GFM2: variants seen among roughly 807,000 people sequenced by gnomAD.
The protein encoded by GFM2 is ribosome-releasing factor 2, mitochondrial.
In GFM2, 72 loss-of-function variants were observed where a neutral mutation model predicts 95.4. The observed-to-expected ratio is 0.76, with a 90% CI of 0.62 to 0.92. GFM2 has a LOEUF of 0.92. Among genes scored for constraint, GFM2 ranks in the 40% least tolerant of loss-of-function variants. GFM2 has a pLI of 0.00. For synonymous variants in GFM2, 276 were observed against 317.5 expected (o/e 0.87, Z 1.39); for missense variants, 825 against 924.1 (o/e 0.89, Z 1.39).
In GFM2 at chr5:74,750,570, A is replaced by G. The variant is rs1437953541; in HGVS notation, c.519+9T>C. On this transcript the variant is annotated intron_variant, in intron 7 of 20. Coordinates refer to ENST00000296805, the MANE Select transcript of GFM2 (RefSeq NM_032380.5). ...TTCTAATTCCCTTTACTTTGGCAAT[A>G]TTATTTACCTCTACACCAGCAGAGG... The G allele has an allele frequency of 1.5e-5, 24 of 1,600,256 alleles. No homozygotes were observed. The highest frequency in any genetic ancestry group is 1.9e-5 in the Non-Finnish European group (22 of 1,168,506).
chr5:74,727,472 C>T (rs1324938763), intron 17 of GFM2, among the ~76,000 whole-genome samples: 1 of 152,202 alleles, frequency 6.6e-6, no homozygotes, highest in Non-Finnish European at 1.5e-5. Context: ...TATTTTCCGA[C>T]TCCAGCCCTA....
chr5:74,751,529 T>C (rs1743713023), intron 5 of GFM2, 36 bp from the exon 6 acceptor site: 4 of 1,534,484 alleles, frequency 2.6e-6, no homozygotes, highest in African/African-American at 1.4e-5. Flanking sequence ...TTAGTCTTAA[T>C]AGCAAGTGTA....
chr5:74,735,738 C>T (rs749422478), intron 15 of GFM2, among the ~76,000 whole-genome samples: 1 of 152,172 alleles, frequency 6.6e-6, no homozygotes, highest in East Asian at 1.9e-4. Flanking sequence ...ACTGTGGGAG[C>T]ATAAGGTGTG....
intron 10 of GFM2, 111 bp downstream of exon 10, chr5:74,745,567 G>T: frequency 1.3e-6 from 1 of 747,456 alleles, no homozygotes; most frequent in Non-Finnish European, 2.1e-6. Flanking sequence ...GCAGATTTTG[G>T]TATCCACAGG....
intron 10 of GFM2, among the ~76,000 whole-genome samples, chr5:74,744,135 A>G (rs1202112082): frequency 1.3e-5 from 2 of 152,218 alleles, no homozygotes; most frequent in Non-Finnish European, 2.9e-5. Context: ...TAGACGGCAT[A>G]GCCTGCTTTT....
At position 74,766,937 on chromosome 5, in the gene GFM2, C is replaced by G. The variant is rs556002017; in HGVS notation, c.-25+1G>C. 3 of 176,116 alleles carry G rather than the reference C, an allele frequency of 1.7e-5. No homozygotes were observed. The South Asian group carries it at 3.4e-4, about 20-fold the overall frequency. The allele number at this position is 176,116 out of a possible 1,614,324, so 10.9% of individuals were successfully genotyped here. The stretch of plus-strand genomic sequence containing the variant: ...GTCTCACAGCTCGGAGCAGTACTCA[C>G]CTGGCATTAGGCCGCGTGCCGCAGG... On this transcript the variant is annotated splice_donor_variant, in intron 1 of 20. Transcript: ENST00000296805. LOFTEE classifies it low-confidence loss of function (5UTR_SPLICE).
chr5:74,727,313 C>G (rs1750193598), intron 17 of GFM2, among the ~76,000 whole-genome samples: 1 of 152,152 alleles, frequency 6.6e-6, no homozygotes, highest in African/African-American at 2.4e-5. Context: ...CAACCACTAT[C>G]ATATGTTATC....
At chr5:74,760,480 C>T (rs1437442739) in intron 3 of GFM2, among the ~76,000 whole-genome samples, 1 of 152,194 alleles carries the variant, frequency 6.6e-6, no homozygotes, top group African/African-American at 2.4e-5. Context: ...TGCCATGTAT[C>T]TAACCTAAAC....
intron 5 of GFM2, among the ~76,000 whole-genome samples, chr5:74,755,082 C>G (rs1743913651): frequency 6.6e-6 from 1 of 152,106 alleles, no homozygotes; most frequent in Admixed American, 6.6e-5. Flanking sequence ...GACGACACAG[C>G]CAGACTCCAT....
At chr5:74,755,870 C>T (rs1329181173) in intron 5 of GFM2, among the ~76,000 whole-genome samples, 3 of 152,108 alleles carry the variant, frequency 2.0e-5, no homozygotes, top group East Asian at 1.9e-4. Context: ...AAGCCAGTAT[C>T]ACCGTAATAC....
At chr5:74,746,233 G>T in intron 8 of GFM2, 68 bp from the exon 9 acceptor site, 1 of 845,964 alleles carries the variant, frequency 1.2e-6, no homozygotes, top group South Asian at 3.8e-5. Context: ...TATCAAGAGA[G>T]GAAAAAAAAC....
intron 11 of GFM2, among the ~76,000 whole-genome samples, chr5:74,740,618 TGA>T: frequency 6.6e-6 from 1 of 152,284 alleles, no homozygotes; most frequent in Middle Eastern, 3.4e-3. Context: ...AAGAAAAGCT[TGA>T]GTGTGTTTGC....
At chr5:74,764,496 TTTTTA>T (rs1252904386) in intron 1 of GFM2, among the ~76,000 whole-genome samples, 43 of 152,238 alleles carry the variant, frequency 2.8e-4, no homozygotes, top group African/African-American at 1.0e-3. Flanking sequence ...TATGAGGTTT[TTTTTA>T]TTTTTTTTTA....
At chr5:74,760,399 T>C (rs867990501) in intron 3 of GFM2, among the ~76,000 whole-genome samples, 1 of 152,154 alleles carries the variant, frequency 6.6e-6, no homozygotes, top group Non-Finnish European at 1.5e-5. Flanking sequence ...GAGTCTACCA[T>C]ACACTTGCTT....
chr5:74,761,372 T>C (rs1416115426), intron 2 of GFM2, among the ~76,000 whole-genome samples: 3 of 152,300 alleles, frequency 2.0e-5, no homozygotes, highest in East Asian at 3.9e-4. Flanking sequence ...TAGCTACAGA[T>C]TGAGAACCAC....
intron 2 of GFM2, among the ~76,000 whole-genome samples, chr5:74,762,384 C>A (rs1162477697): frequency 3.9e-5 from 6 of 152,112 alleles, no homozygotes; most frequent in Non-Finnish European, 8.8e-5. Flanking sequence ...AAACTGAATA[C>A]CTTTTCCATC....
At position 74,751,315 on chromosome 5, in the gene GFM2, C is replaced by CA. The variant is rs978273171; in HGVS notation, c.430+52dup. ...AAGCAAAACAAAAACCCCAGAAAAA[C>CA]AAAAAAACTCCAAATGACGCAGCAT... On this transcript the variant is annotated intron_variant, in intron 6 of 20. Transcript: ENST00000296805. 8.4e-6 allele frequency: 13 copies of CA among 1,549,460 alleles called. No homozygotes were observed. In the African/African-American group the frequency reaches 1.3e-4, roughly 15 times the overall value.
chr5:74,739,075 C>G (rs1285040712), intron 12 of GFM2, among the ~76,000 whole-genome samples: 1 of 152,118 alleles, frequency 6.6e-6, no homozygotes, highest in Non-Finnish European at 1.5e-5. Context: ...ACATAACCAA[C>G]ACTCTTAACA....
intron 18 of GFM2, 67 bp downstream of exon 18, chr5:74,725,874 T>C: frequency 6.7e-7 from 1 of 1,490,090 alleles, no homozygotes; most frequent in South Asian, 1.2e-5. Flanking sequence ...TGAAATAATC[T>C]GTAATATAAG....
Sources: allele counts gnomAD v4.1 joint callset (sites outside exome capture counted in the v4.1 genomes callset), GRCh38; gene constraint gnomAD v4.1.1; transcripts MANE v1.5; gene names NCBI Gene and HGNC (gene_info 2026-07-23, HGNC 2026-07-21).